CCDC38: variants seen among roughly 807,000 people sequenced by gnomAD.
The protein encoded by CCDC38 is coiled-coil domain containing 38, also known as coiled-coil domain-containing protein 38.
CCDC38 carries 69 observed loss-of-function variants against 72.8 expected under a neutral mutation model. That is an observed-to-expected ratio of 0.95 (90% CI 0.78 to 1.16). CCDC38 has a LOEUF of 1.16. Among genes scored for constraint, CCDC38 ranks in the 50% most tolerant of loss-of-function variants. The probability of loss-of-function intolerance (pLI) is 0.00; values close to 1 mark genes in which losing one functional copy is unlikely to be tolerated. For synonymous variants in CCDC38, 201 were observed against 213.2 expected, an observed-to-expected ratio of 0.94 and a Z score of 0.50; for missense variants, 626 against 638.9, an observed-to-expected ratio of 0.98 and a Z score of 0.22.
intron 14 of CCDC38, among the ~76,000 whole-genome samples, chr12:95,871,569 C>T (rs547895986): frequency 2.0e-5 from 3 of 152,046 alleles, no homozygotes; most frequent in East Asian, 3.9e-4. Context: ...CAGGCCATAC[C>T]GCCCTCAATG....
chr12:95,867,502 T>C (rs1218964658), intron 15 of CCDC38, among the ~76,000 whole-genome samples: 1 of 152,198 alleles, frequency 6.6e-6, no homozygotes, highest in Non-Finnish European at 1.5e-5. Flanking sequence ...AGCACCATGT[T>C]GAAGGCCACC....
intron 7 of CCDC38, among the ~76,000 whole-genome samples, chr12:95,897,899 T>C (rs1227103435): frequency 2.0e-5 from 3 of 152,132 alleles, no homozygotes; most frequent in African/African-American, 7.2e-5. Context: ...ATCTTAGTTT[T>C]TAATAGCAAT....
At chr12:95,936,926 G>A (rs2080400733) in intron 1 of CCDC38, among the ~76,000 whole-genome samples, 1 of 151,170 alleles carries the variant, frequency 6.6e-6, no homozygotes, top group South Asian at 2.1e-4. Context: ...AATCTGAGAG[G>A]TGTTTGAAAT....
At chr12:95,930,930 T>C (rs540655173) in intron 2 of CCDC38, among the ~76,000 whole-genome samples, 14 of 151,874 alleles carry the variant, frequency 9.2e-5, no homozygotes, top group African/African-American at 3.1e-4. Context: ...GTTACTATTA[T>C]ATTCTTCTCT....
At position 95,882,297 on chromosome 12, in the gene CCDC38, T is replaced by C. The variant is rs78861431; in HGVS notation, c.921-743A>G. ...GGGGAGGGAGGAGAATTTAGAGATA[T>C]ATGGAAGAATGAAATCATGGGAACC... On this transcript the variant is annotated intron_variant, in intron 10 of 15. Transcript: ENST00000344280. 1.5e-3 allele frequency among the ~76,000 whole-genome samples: 235 copies of C among 151,912 alleles called. 5 individuals carry two copies. The East Asian group carries it at 0.039, about 25-fold the overall frequency.
chr12:95,903,428 A>G (rs1472114635), intron 5 of CCDC38: 2 of 699,698 alleles, frequency 2.9e-6, no homozygotes, highest in Non-Finnish European at 5.2e-6. Context: ...AACACTGACA[A>G]AAAGAAGTGG....
intron 8 of CCDC38, 76 bp from the exon 9 acceptor site, chr12:95,891,006 G>T (rs1312262453): frequency 3.8e-6 from 3 of 781,682 alleles, no homozygotes; most frequent in Admixed American, 2.1e-5. Context: ...AGAGAGCTTT[G>T]TCTCAGGGTG....
intron 4 of CCDC38, 83 bp downstream of exon 4, chr12:95,917,046 A>C: frequency 1.5e-5 from 15 of 1,029,762 alleles, no homozygotes; most frequent in African/African-American, 3.3e-5. Context: ...TGTCTGTTTT[A>C]ATCACCCTCC....
Position 95,898,734 on chromosome 12 carries a change from A to G in CCDC38, c.370-3T>C. On this transcript the variant is annotated splice_polypyrimidine_tract_variant and splice_region_variant and intron_variant, in intron 5 of 15. Coordinates refer to ENST00000344280, the MANE Select transcript of CCDC38 (RefSeq NM_182496.3). ...TTTCTTTTGGTTGACAAAGCATACTAGGGGCATTGAAGACAGAGGTGTAAA... is the reference window on the plus strand; with the variant it reads ...TTTCTTTTGGTTGACAAAGCATACTGGGGGCATTGAAGACAGAGGTGTAAA... 1.2e-6 allele frequency: 2 copies of G among 1,612,476 alleles called. No individual in the cohort carries two copies. Among genetic ancestry groups the G allele is most frequent in the Middle Eastern group, 1.7e-4 (1 of 6,052 alleles).
intron 14 of CCDC38, among the ~76,000 whole-genome samples, chr12:95,870,093 C>T (rs2079565115): frequency 6.6e-6 from 1 of 152,130 alleles, no homozygotes; most frequent in Non-Finnish European, 1.5e-5. Context: ...AACATTTCAG[C>T]ACTTTACAGA....
chr12:95,939,324 G>A (rs772934740), intron 1 of CCDC38, among the ~76,000 whole-genome samples: 2 of 152,150 alleles, frequency 1.3e-5, no homozygotes, highest in Non-Finnish European at 2.9e-5. Context: ...CCAAGATCAC[G>A]AGGGCCCTGG....
At chr12:95,889,033 C>CTTTTTTTTTTTTTTTTTTTTT (rs63374760) in intron 9 of CCDC38, 1 of 84,824 alleles carries the variant, frequency 1.2e-5, no homozygotes, top group Non-Finnish European at 2.1e-5. Flanking sequence ...ATTGTCTCAG[C>CTTTTTTTTTTTTTTTTTTTTT]TTTTTTTTTT....
At chr12:95,914,461 A>G (rs1390154827) in intron 4 of CCDC38, among the ~76,000 whole-genome samples, 1 of 152,208 alleles carries the variant, frequency 6.6e-6, no homozygotes, top group Non-Finnish European at 1.5e-5. Context: ...ATCTTGTCTC[A>G]TTTATTGCCA....
intron 5 of CCDC38, 92 bp downstream of exon 5, chr12:95,906,295 G>T: frequency 4.4e-6 from 4 of 912,746 alleles, no homozygotes; most frequent in South Asian, 1.5e-5. Flanking sequence ...TTTGGGACAT[G>T]TAATAGACAA....
chr12:95,891,760 C>T (rs1383509563), intron 8 of CCDC38, among the ~76,000 whole-genome samples: 8 of 152,102 alleles, frequency 5.3e-5, no homozygotes, highest in African/African-American at 1.7e-4. Flanking sequence ...TTTTCATGTG[C>T]TCAACACTTT....
At chr12:95,932,959 C>G (rs990352134) in intron 2 of CCDC38, among the ~76,000 whole-genome samples, 4 of 152,078 alleles carry the variant, frequency 2.6e-5, no homozygotes, top group African/African-American at 4.8e-5. Flanking sequence ...AAAGGAGAGA[C>G]TGTTCAAAAA....
At chr12:95,922,463 T>A (rs1174976529) in intron 2 of CCDC38, among the ~76,000 whole-genome samples, 2 of 152,150 alleles carry the variant, frequency 1.3e-5, no homozygotes, top group African/African-American at 4.8e-5. Context: ...GGCTGAGGTG[T>A]CCCCTGGTCC....
chr12:95,895,522 C>T (rs1238805516), intron 7 of CCDC38, among the ~76,000 whole-genome samples: 2 of 151,226 alleles, frequency 1.3e-5, no homozygotes, highest in African/African-American at 4.9e-5. Context: ...GAGGCCAAGG[C>T]AGGCAGATCA....
intron 12 of CCDC38, among the ~76,000 whole-genome samples, chr12:95,878,860 A>T (rs372456290): frequency 4.5e-4 from 69 of 152,338 alleles, no homozygotes; most frequent in African/African-American, 1.4e-3. Context: ...AAAAGATACA[A>T]GGATTAAAAA....
Sources: gnomAD v4.1 joint callset for allele counts (sites outside exome capture counted in the v4.1 genomes callset) on GRCh38, gnomAD v4.1.1 for gene constraint, MANE v1.5 for transcripts, NCBI Gene and HGNC (gene_info 2026-07-23, HGNC 2026-07-21) for gene names.